TSPAN9: variants seen among roughly 807,000 people sequenced by gnomAD.
TSPAN9 encodes the protein tetraspanin-9.
Under a neutral mutation model 31.0 loss-of-function variants are expected in TSPAN9, and 16 were observed. That is an observed-to-expected ratio of 0.52 (90% CI 0.35 to 0.78). The LOEUF (loss-of-function observed/expected upper bound fraction) is 0.78, where lower values mean the gene tolerates loss of function less well. TSPAN9 is among the 30% of genes least tolerant of loss of function. TSPAN9 has a pLI of 0.01. For missense variants in TSPAN9, 272 were observed against 312.5 expected, an observed-to-expected ratio of 0.87 and a Z score of 0.98; for synonymous variants, 145 against 121.6, an observed-to-expected ratio of 1.19 and a Z score of -1.27.
chr12:3,243,381 C>T (rs1444362805), intron 3 of TSPAN9, among the ~76,000 whole-genome samples: 1 of 152,140 alleles, frequency 6.6e-6, no homozygotes, highest in Admixed American at 6.5e-5. Flanking sequence ...CCTGTTTTAA[C>T]TTATGTTTTG....
intron 3 of TSPAN9, among the ~76,000 whole-genome samples, chr12:3,262,333 A>C (rs912488237): frequency 6.7e-6 from 1 of 149,488 alleles, no homozygotes; most frequent in Non-Finnish European, 1.5e-5. Flanking sequence ...AGGCATCTGC[A>C]TTCTGCCGTG....
chr12:3,278,961 A>T, intron 4 of TSPAN9, 31 bp from the exon 5 acceptor site: 8 of 1,610,512 alleles, frequency 5.0e-6, no homozygotes, highest in Non-Finnish European at 6.8e-6. Flanking sequence ...GCCCATTACC[A>T]CCTACCCATG....
intron 2 of TSPAN9, among the ~76,000 whole-genome samples, chr12:3,154,721 G>C (rs1182402008): frequency 6.6e-6 from 1 of 152,212 alleles, no homozygotes; most frequent in East Asian, 1.9e-4. Flanking sequence ...TGGGAGACAT[G>C]ATTCTTTTGT....
intron 2 of TSPAN9, among the ~76,000 whole-genome samples, chr12:3,086,639 T>C (rs1318991009): frequency 6.6e-6 from 1 of 152,158 alleles, no homozygotes; most frequent in Non-Finnish European, 1.5e-5. Flanking sequence ...GGCTTTGCTG[T>C]TATTGCAGGA....
intron 3 of TSPAN9, among the ~76,000 whole-genome samples, chr12:3,219,672 A>G (rs1435687132): frequency 1.3e-5 from 2 of 152,008 alleles, no homozygotes; most frequent in Non-Finnish European, 2.9e-5. Context: ...AAAGGGAATG[A>G]TAGGGAGGGG....
chr12:3,198,379 C>CACCACCAGCACAGCT (rs2098368577), intron 2 of TSPAN9, among the ~76,000 whole-genome samples: 1 of 71,790 alleles, frequency 1.4e-5, no homozygotes, highest in African/African-American at 6.0e-5. Flanking sequence ...CCAGCACAGG[C>CACCACCAGCACAGCT]CACCACCAGC....
Position 3,266,597 on chromosome 12 carries a change from G to A in TSPAN9, c.64-11824G>A, listed in dbSNP as rs146480801. On this transcript the variant is annotated intron_variant, in intron 3 of 8. Transcript: ENST00000011898. ...GCCATGCACATGTTGCAAACAGGAT[G>A]GGTCACAGTCTCCTGTGTGACCAGG... is the stretch of plus-strand genomic sequence containing the variant. 8.5e-5 allele frequency among the ~76,000 whole-genome samples: 13 copies of A among 152,318 alleles called. No individual in the cohort carries two copies. The East Asian group carries it at 2.5e-3, about 29-fold the overall frequency.
chr12:3,116,536 G>A (rs1053141870), intron 2 of TSPAN9, among the ~76,000 whole-genome samples: 2 of 152,098 alleles, frequency 1.3e-5, no homozygotes, highest in African/African-American at 4.8e-5. Context: ...CACGCAGCTC[G>A]GCAGGGCTTG....
At chr12:3,142,212 C>T (rs1316183590) in intron 2 of TSPAN9, among the ~76,000 whole-genome samples, 4 of 152,146 alleles carry the variant, frequency 2.6e-5, no homozygotes, top group East Asian at 1.9e-4. Flanking sequence ...CCAGGGAGCC[C>T]GCTGCCTGCT....
intron 3 of TSPAN9, among the ~76,000 whole-genome samples, chr12:3,216,093 G>T (rs978914680): frequency 1.3e-5 from 2 of 152,168 alleles, no homozygotes; most frequent in Non-Finnish European, 2.9e-5. Flanking sequence ...GGAGTCCTGG[G>T]CTGGGAAGTA....
At chr12:3,161,153 A>G (rs1221205434) in intron 2 of TSPAN9, among the ~76,000 whole-genome samples, 1 of 152,170 alleles carries the variant, frequency 6.6e-6, no homozygotes, top group Non-Finnish European at 1.5e-5. Flanking sequence ...CCTGGGAGGC[A>G]GAGGTTGGGA....
intron 2 of TSPAN9, among the ~76,000 whole-genome samples, chr12:3,174,752 T>G (rs977481325): frequency 4.0e-5 from 5 of 124,896 alleles, no homozygotes; most frequent in Non-Finnish European, 7.6e-5. Context: ...CCGGCTAATT[T>G]TTTGTATTTT....
In TSPAN9 at chr12:3,280,591, T is replaced by A. The variant is rs1862876139; in HGVS notation, c.432+108T>A. 4.7e-6 allele frequency: 5 copies of A among 1,064,280 alleles called. No homozygotes were observed. The highest frequency in any genetic ancestry group is 6.9e-6 in the Non-Finnish European group (5 of 728,248). 65.9% of individuals were successfully genotyped at this position (1,064,280 alleles called of 1,614,324 possible). A position where few individuals can be genotyped will look rare whatever the true frequency, so the allele number is the denominator to read the frequency against. On this transcript the variant is annotated intron_variant, in intron 6 of 8. Coordinates refer to ENST00000011898, the MANE Select transcript of TSPAN9 (RefSeq NM_006675.5). This position sits in a 1 kb window ranked among gnomAD's most constrained non-coding sequence, Gnocchi z 4.5. ...GGCCGGGCACCTGTGCTTTCTGGAT[T>A]TTAGCCGGGAGTGGAGTGGTACCCA...
intron 2 of TSPAN9, among the ~76,000 whole-genome samples, chr12:3,179,009 C>T (rs754149821): frequency 2.0e-5 from 3 of 152,152 alleles, no homozygotes; most frequent in South Asian, 2.1e-4. Context: ...GAGAGTTATT[C>T]TGTAGCTTTT....
At chr12:3,222,384 G>A (rs974215939) in intron 3 of TSPAN9, among the ~76,000 whole-genome samples, 1 of 152,210 alleles carries the variant, frequency 6.6e-6, no homozygotes. Context: ...CAGGTTGGAC[G>A]GTGGTGGTAG....
intron 3 of TSPAN9, among the ~76,000 whole-genome samples, chr12:3,216,987 C>T (rs2098381737): frequency 6.6e-6 from 1 of 152,218 alleles, no homozygotes; most frequent in Admixed American, 6.5e-5. Flanking sequence ...CCCTGAACTG[C>T]AGTTGGAGGA....
intron 2 of TSPAN9, among the ~76,000 whole-genome samples, chr12:3,120,853 G>A (rs2098324735): frequency 6.6e-6 from 1 of 152,272 alleles, no homozygotes; most frequent in Admixed American, 6.5e-5. Flanking sequence ...CTTCCCTTGG[G>A]GGAGCTACCC....
At chr12:3,184,321 G>T (rs1235460230) in intron 2 of TSPAN9, among the ~76,000 whole-genome samples, 1 of 151,978 alleles carries the variant, frequency 6.6e-6, no homozygotes, top group African/African-American at 2.4e-5. Context: ...TCACTTGAAC[G>T]CAGGAAGTGG....
chr12:3,257,198 G>A (rs12316753), intron 3 of TSPAN9, among the ~76,000 whole-genome samples: 5,054 of 151,830 alleles, frequency 0.033, 282 homozygotes, highest in African/African-American at 0.12. Flanking sequence ...ATGACATCTC[G>A]CCAGTTCTGC....
Sources: gnomAD v4.1 joint callset for allele counts (sites outside exome capture counted in the v4.1 genomes callset) on GRCh38, gnomAD v4.1.1 for gene constraint, Gnocchi (gnomAD v3.1) non-coding constraint, MANE v1.5 for transcripts, NCBI Gene and HGNC (gene_info 2026-07-23, HGNC 2026-07-21) for gene names.